Variants in FTO observed in about 807,000 individuals in gnomAD.
FTO encodes FTO alpha-ketoglutarate dependent dioxygenase, also known as alpha-ketoglutarate-dependent dioxygenase FTO.
In FTO, 47 loss-of-function variants were observed where a neutral mutation model predicts 63.9. That is an observed-to-expected ratio of 0.74 (90% confidence interval 0.58 to 0.94). FTO has a LOEUF of 0.94. FTO is among the 40% of genes least tolerant of loss of function. The pLI is 0.00. For synonymous variants in FTO, 207 were observed against 224.4 expected (o/e 0.92, Z 0.69); for missense variants, 562 against 618.1 (o/e 0.91, Z 0.96).
intron 8 of FTO, among the ~76,000 whole-genome samples, chr16:53,968,027 G>A (rs2083234067): frequency 6.6e-6 from 1 of 152,148 alleles, no homozygotes; most frequent in Non-Finnish European, 1.5e-5. Flanking sequence ...ATATGTGTGT[G>A]TTCACATATT....
In FTO at chr16:53,842,577, T is replaced by G. The variant is rs2079507265; in HGVS notation, c.752-1578T>G. On this transcript the variant is annotated intron_variant, in intron 3 of 8. Coordinates refer to ENST00000471389, the MANE Select transcript of FTO (RefSeq NM_001080432.3). The stretch of plus-strand genomic sequence containing the variant: ...AGAAATGTTGTATTCCAGTCTTGTG[T>G]ATCCTTCCAGAAGTATTATAAATAT... Among the ~76,000 whole-genome samples, 3 of 152,202 alleles carry G rather than the reference T, an allele frequency of 2.0e-5. No homozygotes were observed. The South Asian group carries it at 6.2e-4, about 31-fold the overall frequency.
intron 4 of FTO, among the ~76,000 whole-genome samples, chr16:53,868,475 A>G (rs1362381820): frequency 1.3e-5 from 2 of 152,124 alleles, no homozygotes; most frequent in Non-Finnish European, 2.9e-5. Context: ...AAAATAAAAT[A>G]TTCCTAATTT....
intron 1 of FTO, among the ~76,000 whole-genome samples, chr16:53,732,255 G>T (rs185949883): frequency 3.8e-4 from 57 of 151,646 alleles, no homozygotes; most frequent in Admixed American, 6.6e-4. Context: ...GTTTCACCAT[G>T]TTAGCCAGCA....
At chr16:54,075,831 A>T (rs1263389473) in intron 8 of FTO, among the ~76,000 whole-genome samples, 1 of 152,234 alleles carries the variant, frequency 6.6e-6, no homozygotes, top group African/African-American at 2.4e-5. Context: ...TAAGCAGGGC[A>T]ACAGAGTCTT....
intron 7 of FTO, among the ~76,000 whole-genome samples, chr16:53,927,694 T>G (rs1242539472): frequency 1.3e-5 from 2 of 152,088 alleles, no homozygotes; most frequent in African/African-American, 2.4e-5. Flanking sequence ...ACCAGCTTAG[T>G]GTCGGGCACT....
chr16:54,099,461 A>G (rs1297874419), intron 8 of FTO, among the ~76,000 whole-genome samples: 2 of 152,156 alleles, frequency 1.3e-5, no homozygotes, highest in Non-Finnish European at 2.9e-5. Context: ...TAAAGCGTCC[A>G]ACCAAGCGGC....
chr16:53,766,060 C>T (rs1299385209), intron 1 of FTO, among the ~76,000 whole-genome samples: 3 of 152,094 alleles, frequency 2.0e-5, no homozygotes, highest in Non-Finnish European at 4.4e-5. Context: ...GATGGCTTGG[C>T]CCAGTTGGTG....
intron 7 of FTO, among the ~76,000 whole-genome samples, chr16:53,900,236 T>G (rs1048759906): frequency 3.3e-5 from 5 of 152,200 alleles, no homozygotes; most frequent in South Asian, 2.1e-4. Context: ...AGAGTCTGGC[T>G]TTATTAGTTG....
intron 8 of FTO, among the ~76,000 whole-genome samples, chr16:53,950,072 A>AT (rs71146713): frequency 0.55 from 71,918 of 129,892 alleles, 20,157 homozygotes; most frequent in Middle Eastern, 0.68. Context: ...TTATTTAAAC[A>AT]TTTTTTTTTT....
intron 8 of FTO, among the ~76,000 whole-genome samples, chr16:53,984,408 G>A (rs1328757672): frequency 4.0e-5 from 5 of 126,334 alleles, no homozygotes; most frequent in Middle Eastern, 5.6e-3. Context: ...CTGCAGACTC[G>A]ACCTCCCCAG....
chr16:54,041,189 T>G (rs2085066582), intron 8 of FTO, among the ~76,000 whole-genome samples: 1 of 152,086 alleles, frequency 6.6e-6, no homozygotes, highest in African/African-American at 2.4e-5. Flanking sequence ...TTTAACTGAG[T>G]CACAGTTCCT....
chr16:53,722,821 C>T (rs745951818), intron 1 of FTO, among the ~76,000 whole-genome samples: 38 of 89,148 alleles, frequency 4.3e-4, no homozygotes, highest in East Asian at 2.2e-3. Context: ...GGGTGAGACG[C>T]CACCTCAAAA....
intron 6 of FTO, among the ~76,000 whole-genome samples, chr16:53,884,905 G>A (rs2080958597): frequency 1.3e-5 from 2 of 152,236 alleles, no homozygotes; most frequent in African/African-American, 2.4e-5. Flanking sequence ...AGGTCTTCAG[G>A]GATGTGTCAC....
At chr16:53,938,150 T>C (rs2143332321) in intron 8 of FTO, among the ~76,000 whole-genome samples, 1 of 152,356 alleles carries the variant, frequency 6.6e-6, no homozygotes, top group East Asian at 1.9e-4. Flanking sequence ...GACCACTGAT[T>C]ATTGTGCACT....
chr16:53,808,989 A>G (rs2151733542), intron 1 of FTO, among the ~76,000 whole-genome samples: 2 of 152,314 alleles, frequency 1.3e-5, no homozygotes, highest in African/African-American at 4.8e-5. Flanking sequence ...TGCCTTTTAT[A>G]TGCCACGTAC....
chr16:53,880,137 G>T, intron 6 of FTO, 150 bp downstream of exon 6: 1 of 629,360 alleles, frequency 1.6e-6, no homozygotes, highest in Non-Finnish European at 2.8e-6. Flanking sequence ...TGGGACTACA[G>T]GTGCATGCGC....
chr16:53,703,978 T>A (rs1394164740), upstream of FTO: 6 of 648,524 alleles, frequency 9.3e-6, no homozygotes, highest in Non-Finnish European at 1.7e-5. Context: ...CTCTTCCAGC[T>A]GTCGGACCTG....
intron 8 of FTO, among the ~76,000 whole-genome samples, chr16:53,980,536 A>G (rs1400230469): frequency 6.6e-6 from 1 of 152,206 alleles, no homozygotes; most frequent in Non-Finnish European, 1.5e-5. Flanking sequence ...TAATTTGCCC[A>G]GAGGTGCTGA....
In FTO at chr16:53,799,755, G is replaced by A. The variant is rs946286093; in HGVS notation, c.46-10385G>A. Among the ~76,000 whole-genome samples the A allele has an allele frequency of 6.6e-5, 10 of 152,274 alleles. No individual in the cohort carries two copies. In the East Asian group the frequency reaches 9.7e-4, roughly 15 times the overall value. ...TGGCAGCGTTCCTGGTACATGCCCG[G>A]TTTAGCCTAGGCTAACCTCTTCTTG... On this transcript the variant is annotated intron_variant, in intron 1 of 8. Transcript: ENST00000471389.
Sources: gnomAD v4.1 joint callset for allele counts (sites outside exome capture counted in the v4.1 genomes callset) on GRCh38, gnomAD v4.1.1 for gene constraint, MANE v1.5 for transcripts, NCBI Gene and HGNC (gene_info 2026-07-23, HGNC 2026-07-21) for gene names.